Variants in ARHGAP15 observed in about 807,000 individuals in gnomAD.
The protein encoded by ARHGAP15 is Rho GTPase activating protein 15.
A neutral mutation model predicts 63.7 loss-of-function variants in ARHGAP15; 51 were observed. That is an observed-to-expected ratio of 0.80 (90% CI 0.64 to 1.01). The LOEUF is 1.01. Ranked by LOEUF, ARHGAP15 falls within the 50% of genes least tolerant of loss-of-function variation. The pLI, the probability that ARHGAP15 is intolerant of heterozygous loss-of-function variation, is 0.00. For missense variants in ARHGAP15, 560 were observed against 564.6 expected (o/e 0.99, Z 0.08); for synonymous variants, 191 against 193.8 (o/e 0.99, Z 0.12).
In ARHGAP15 at chr2:143,387,706, G is replaced by GA. The variant is rs775138790; in HGVS notation, c.475-47884dup. 5.0e-3 allele frequency among the ~76,000 whole-genome samples: 708 copies of GA among 140,634 alleles called. 5 individuals carry two copies. Among genetic ancestry groups the GA allele is most frequent in the African/African-American group, 0.015 (569 of 38,564 alleles). The allele number at this position is 140,634 out of a possible 152,430, so 92.3% of individuals were successfully genotyped here. The stretch of plus-strand genomic sequence containing the variant: ...TGTATTATTGAATCTTCCCAAAATA[G>GA]AAAAAAAAAAACACAGCTACTGATC... On this transcript the variant is annotated intron_variant, in intron 6 of 13. Coordinates refer to ENST00000295095, the MANE Select transcript of ARHGAP15 (RefSeq NM_018460.4).
At chr2:143,694,317 A>G (rs1376346015) in intron 12 of ARHGAP15, among the ~76,000 whole-genome samples, 6 of 152,204 alleles carry the variant, frequency 3.9e-5, no homozygotes, top group Non-Finnish European at 8.8e-5. Context: ...ACAACATACA[A>G]TTTTCTACCT....
chr2:143,482,905 A>G (rs541927662), intron 8 of ARHGAP15, among the ~76,000 whole-genome samples: 6 of 152,224 alleles, frequency 3.9e-5, no homozygotes, highest in African/African-American at 7.2e-5. Flanking sequence ...GGAATGAATG[A>G]TGGCACAGGC....
intron 6 of ARHGAP15, among the ~76,000 whole-genome samples, chr2:143,299,099 T>C (rs557427246): frequency 6.6e-6 from 1 of 152,098 alleles, no homozygotes. Context: ...AGAGTATGTG[T>C]CTGATATAAA....
intron 6 of ARHGAP15, among the ~76,000 whole-genome samples, chr2:143,296,168 A>C (rs1452117005): frequency 1.3e-5 from 2 of 151,946 alleles, no homozygotes; most frequent in East Asian, 3.9e-4. Flanking sequence ...GAGGACAGCG[A>C]GTGAGTTCTG....
chr2:143,444,015 C>T (rs1260327871), intron 8 of ARHGAP15, among the ~76,000 whole-genome samples: 3 of 152,192 alleles, frequency 2.0e-5, no homozygotes, highest in Non-Finnish European at 2.9e-5. Flanking sequence ...GCCCTCTGAC[C>T]TGTGGATGTC....
intron 12 of ARHGAP15, among the ~76,000 whole-genome samples, chr2:143,685,895 A>G (rs992972034): frequency 1.3e-5 from 2 of 152,206 alleles, no homozygotes; most frequent in Non-Finnish European, 2.9e-5. Context: ...TTCAAATGAT[A>G]TAATAAACAG....
chr2:143,544,961 A>G (rs746990970), intron 10 of ARHGAP15, among the ~76,000 whole-genome samples: 1 of 152,194 alleles, frequency 6.6e-6, no homozygotes, highest in African/African-American at 2.4e-5. Flanking sequence ...TCTCAGCTTC[A>G]TCCACTGTCA....
Position 143,633,914 on chromosome 2 carries a change from A to AC in ARHGAP15, c.1138+9652dup, listed in dbSNP as rs749294835. Among the ~76,000 whole-genome samples, 266 of 151,598 alleles carry AC rather than the reference A, an allele frequency of 1.8e-3. 3 individuals carry two copies. The highest frequency in any genetic ancestry group is 2.2e-3 in the Non-Finnish European group (151 of 67,902). The stretch of plus-strand genomic sequence containing the variant: ...AGTCCTCTAAAATATCTGCCCACTT[A>AC]CCCCCAACTCTGACTCAGGCCATCT... On this transcript the variant is annotated intron_variant, in intron 12 of 13. Transcript: ENST00000295095.
chr2:143,381,696 C>T lies in ARHGAP15; in HGVS notation c.475-53905C>T, dbSNP rs764557067. ...GCACCCTCTCACTATAGACTATGACCATCCTCTTGTGTCTTTTTTCCCTTG... is the reference window on the plus strand; with the variant it reads ...GCACCCTCTCACTATAGACTATGACTATCCTCTTGTGTCTTTTTTCCCTTG... On this transcript the variant is annotated intron_variant, in intron 6 of 13. Transcript: ENST00000295095. Among the ~76,000 whole-genome samples the T allele has an allele frequency of 2.6e-5, 4 of 152,042 alleles. No individual in the cohort carries two copies. The East Asian group carries it at 7.7e-4, about 29-fold the overall frequency.
chr2:143,650,601 A>C (rs1681113952), intron 12 of ARHGAP15, among the ~76,000 whole-genome samples: 1 of 151,956 alleles, frequency 6.6e-6, no homozygotes, highest in South Asian at 2.1e-4. Flanking sequence ...GCAGAGCCAA[A>C]TGAAGGAGAC....
In ARHGAP15 at chr2:143,408,693, C is replaced by CA. The variant is rs531685674; in HGVS notation, c.475-26902dup. Among the ~76,000 whole-genome samples, 154 of 151,724 alleles carry CA rather than the reference C, an allele frequency of 1.0e-3. 4 individuals carry two copies. The South Asian group carries it at 0.032, about 31-fold the overall frequency. ...AGTACTTCTATTATGTAAATAATTG[C>CA]AAAAAAGTAAAATATCTTCTTTAAA... On this transcript the variant is annotated intron_variant, in intron 6 of 13. Transcript: ENST00000295095.
At chr2:143,737,947 G>A (rs1685816113) in intron 13 of ARHGAP15, among the ~76,000 whole-genome samples, 2 of 152,024 alleles carry the variant, frequency 1.3e-5, no homozygotes, top group Admixed American at 1.3e-4. Context: ...TAATAGAGCC[G>A]GGGTTTCACC....
At chr2:143,734,141 C>T (rs905519673) in intron 13 of ARHGAP15, among the ~76,000 whole-genome samples, 6 of 152,168 alleles carry the variant, frequency 3.9e-5, no homozygotes, top group South Asian at 2.1e-4. Flanking sequence ...GTTCTCCCTT[C>T]GAACAGTCAC....
intron 6 of ARHGAP15, among the ~76,000 whole-genome samples, chr2:143,349,436 C>A (rs940176332): frequency 6.6e-6 from 1 of 152,124 alleles, no homozygotes; most frequent in Non-Finnish European, 1.5e-5. Context: ...TATTAATTCA[C>A]CTTCATTCTT....
At chr2:143,374,210 AT>A (rs1686705187) in intron 6 of ARHGAP15, among the ~76,000 whole-genome samples, 1 of 152,166 alleles carries the variant, frequency 6.6e-6, no homozygotes, top group Non-Finnish European at 1.5e-5. Flanking sequence ...AAAGGGGAAA[AT>A]ATTATTCAGT....
intron 8 of ARHGAP15, among the ~76,000 whole-genome samples, chr2:143,439,788 T>A (rs1250622128): frequency 6.6e-6 from 1 of 152,078 alleles, no homozygotes; most frequent in Non-Finnish European, 1.5e-5. Context: ...TATAACAAAG[T>A]GAACAAGTAA....
intron 5 of ARHGAP15, chr2:143,235,994 T>C (rs1693627576): frequency 1.3e-6 from 2 of 1,540,632 alleles, no homozygotes; most frequent in East Asian, 2.5e-5. Context: ...TTCATGGGAT[T>C]TGGCAAATCT....
At chr2:143,575,048 GCTAATATCCGATCA>G (rs1696622390) in intron 11 of ARHGAP15, among the ~76,000 whole-genome samples, 1 of 152,022 alleles carries the variant, frequency 6.6e-6, no homozygotes, top group Non-Finnish European at 1.5e-5. Context: ...TCCAATACAT[GCTAATATCCGATCA>G]CTAATACCAA....
intron 12 of ARHGAP15, among the ~76,000 whole-genome samples, chr2:143,632,546 G>A (rs950652236): frequency 4.6e-5 from 7 of 151,894 alleles, no homozygotes; most frequent in Admixed American, 1.3e-4. Flanking sequence ...GTGAGAAATG[G>A]CATCCATAAG....
Sources: gnomAD v4.1 joint callset for allele counts (sites outside exome capture counted in the v4.1 genomes callset) on GRCh38, gnomAD v4.1.1 for gene constraint, MANE v1.5 for transcripts, NCBI Gene and HGNC (gene_info 2026-07-23, HGNC 2026-07-21) for gene names.